Variants in TCERG1L observed in about 807,000 individuals in gnomAD.
The protein encoded by TCERG1L is transcription elongation regulator 1-like protein.
In TCERG1L, 37 loss-of-function variants were observed where a neutral mutation model predicts 56.3. That is an observed-to-expected ratio of 0.66 (90% confidence interval 0.51 to 0.87). The LOEUF (loss-of-function observed/expected upper bound fraction) is 0.87. Among genes scored for constraint, TCERG1L ranks in the 40% least tolerant of loss-of-function variants. The pLI, the probability that TCERG1L is intolerant of heterozygous loss-of-function variation, is 0.00. For synonymous variants in TCERG1L, 324 were observed against 326.3 expected, an observed-to-expected ratio of 0.99 and a Z score of 0.08; for missense variants, 799 against 774.2, an observed-to-expected ratio of 1.03 and a Z score of -0.38.
chr10:131,198,178 A>G (rs1845388242), intron 4 of TCERG1L, among the ~76,000 whole-genome samples: 1 of 152,246 alleles, frequency 6.6e-6, no homozygotes, highest in Admixed American at 6.5e-5. Flanking sequence ...TTGTGGGATT[A>G]TCATGGGAAA....
At chr10:131,242,157 T>C (rs186520080) in intron 4 of TCERG1L, among the ~76,000 whole-genome samples, 595 of 152,198 alleles carry the variant, frequency 3.9e-3, no homozygotes, top group Non-Finnish European at 6.8e-3. Context: ...CTGGGAAAGG[T>C]GGAGATAATA....
chr10:131,110,683 G>A (rs953197778), intron 9 of TCERG1L, among the ~76,000 whole-genome samples: 1 of 152,190 alleles, frequency 6.6e-6, no homozygotes, highest in East Asian at 1.9e-4. Flanking sequence ...ATAAAACAAC[G>A]CCAGGGAAAA....
At chr10:131,291,513 G>A (rs375342707) in intron 3 of TCERG1L, among the ~76,000 whole-genome samples, 15 of 129,514 alleles carry the variant, frequency 1.2e-4, no homozygotes, top group South Asian at 2.6e-4. Flanking sequence ...TGCAAGCTCC[G>A]CCTCCCAGGT....
intron 4 of TCERG1L, among the ~76,000 whole-genome samples, chr10:131,197,544 C>T (rs541580451): frequency 6.6e-6 from 1 of 151,990 alleles, no homozygotes; most frequent in South Asian, 2.1e-4. Context: ...GTACAAAACA[C>T]AAAATGCAAG....
chr10:131,291,853 G>A (rs994390112), intron 3 of TCERG1L, among the ~76,000 whole-genome samples: 10 of 151,986 alleles, frequency 6.6e-5, no homozygotes, highest in African/African-American at 2.4e-4. Flanking sequence ...TAAAGGTTAT[G>A]ATCCATCTAC....
intron 4 of TCERG1L, among the ~76,000 whole-genome samples, chr10:131,182,271 T>C (rs1007514301): frequency 2.6e-5 from 4 of 152,228 alleles, no homozygotes; most frequent in Non-Finnish European, 5.9e-5. Context: ...TTTTGCATTG[T>C]CACTGGGTGA....
At chr10:131,242,516 C>G (rs945989870) in intron 4 of TCERG1L, among the ~76,000 whole-genome samples, 1 of 152,086 alleles carries the variant, frequency 6.6e-6, no homozygotes, top group Non-Finnish European at 1.5e-5. Flanking sequence ...AATCACGGCA[C>G]CAGCGACTTT....
intron 4 of TCERG1L, among the ~76,000 whole-genome samples, chr10:131,218,275 G>C (rs150353311): frequency 7.2e-5 from 11 of 152,156 alleles, no homozygotes; most frequent in Admixed American, 2.0e-4. Flanking sequence ...TAACCGATAC[G>C]TGCATGACAT....
chr10:131,190,752 A>G (rs74614952), intron 4 of TCERG1L, among the ~76,000 whole-genome samples: 3,104 of 144,166 alleles, frequency 0.022, 461 homozygotes, highest in South Asian at 0.1. Flanking sequence ...CAGACCCACA[A>G]CCAAAATCAT....
intron 3 of TCERG1L, among the ~76,000 whole-genome samples, chr10:131,280,755 A>T (rs1846442889): frequency 6.6e-6 from 1 of 152,138 alleles, no homozygotes; most frequent in Admixed American, 6.5e-5. Flanking sequence ...TGCTTCCTGC[A>T]AACAACCACA....
At chr10:131,132,721 G>A (rs550895387) in intron 8 of TCERG1L, among the ~76,000 whole-genome samples, 22 of 152,294 alleles carry the variant, frequency 1.4e-4, no homozygotes, top group South Asian at 6.2e-4. Flanking sequence ...CTTGGCCCCC[G>A]TCAGAGGTGC....
chr10:131,262,950 C>T (rs111727582), intron 3 of TCERG1L, among the ~76,000 whole-genome samples: 24 of 152,050 alleles, frequency 1.6e-4, no homozygotes, highest in Non-Finnish European at 2.2e-4. Context: ...TGCCATCTTC[C>T]GCTTGGCAAT....
intron 10 of TCERG1L, among the ~76,000 whole-genome samples, chr10:131,099,497 GC>G (rs1216638091): frequency 6.6e-6 from 1 of 152,166 alleles, no homozygotes; most frequent in African/African-American, 2.4e-5. Flanking sequence ...ATCCTATCAG[GC>G]CAATAAATAG....
Position 131,118,587 on chromosome 10 carries a change from C to T in TCERG1L, c.1260-1653G>A, listed in dbSNP as rs1286029858. 6.6e-6 allele frequency among the ~76,000 whole-genome samples: 1 copy of T among 152,098 alleles called. No homozygotes were observed. Among genetic ancestry groups the T allele is most frequent in the African/African-American group, 2.4e-5 (1 of 41,404 alleles). ...CAGATTTCTCATCCTCTGCCATGCC[C>T]CAGATCTGACTCAGCAAGAATCTGC... is the stretch of plus-strand genomic sequence containing the variant. On this transcript the variant is annotated intron_variant, in intron 8 of 11. Transcript: ENST00000368642. This position sits in a 1 kb window ranked among gnomAD's most constrained non-coding sequence, Gnocchi z 4.2.
intron 4 of TCERG1L, among the ~76,000 whole-genome samples, chr10:131,186,406 A>G (rs11017811): frequency 0.076 from 11,531 of 152,276 alleles, 563 homozygotes; most frequent in East Asian, 0.22. Flanking sequence ...AAAAATAGAC[A>G]TACAGATTAT....
At chr10:131,223,493 T>C (rs1293531515) in intron 4 of TCERG1L, among the ~76,000 whole-genome samples, 1 of 152,168 alleles carries the variant, frequency 6.6e-6, no homozygotes, top group East Asian at 1.9e-4. Flanking sequence ...ATATCTGCCG[T>C]TTCTATTTGT....
At chr10:131,225,312 C>T (rs1007269956) in intron 4 of TCERG1L, among the ~76,000 whole-genome samples, 2 of 152,314 alleles carry the variant, frequency 1.3e-5, no homozygotes, top group Admixed American at 6.5e-5. Flanking sequence ...AGCCCTGCCA[C>T]ACAGGCTGGA....
intron 4 of TCERG1L, among the ~76,000 whole-genome samples, chr10:131,209,823 AAAG>A (rs1223867853): frequency 1.9e-4 from 29 of 152,340 alleles, no homozygotes; most frequent in African/African-American, 7.0e-4. Flanking sequence ...TTTTAAGCTT[AAAG>A]AAGACTTTGT....
chr10:131,141,920 G>T (rs534879501), intron 7 of TCERG1L, among the ~76,000 whole-genome samples: 1 of 151,982 alleles, frequency 6.6e-6, no homozygotes, highest in African/African-American at 2.4e-5. Context: ...CCCAGCTCCC[G>T]CACATCCCAG....
Sources: gnomAD v4.1 joint callset for allele counts (sites outside exome capture counted in the v4.1 genomes callset) on GRCh38, gnomAD v4.1.1 for gene constraint, Gnocchi (gnomAD v3.1) non-coding constraint, MANE v1.5 for transcripts, NCBI Gene and HGNC (gene_info 2026-07-23, HGNC 2026-07-21) for gene names.